The following ZFPM1 variants were observed in gnomAD, a reference collection of about 807,000 sequenced individuals.
The protein encoded by ZFPM1 is zinc finger protein, FOG family member 1.
In ZFPM1, 28 loss-of-function variants were observed where a neutral mutation model predicts 46.3. That is an observed-to-expected ratio of 0.60 (90% confidence interval 0.45 to 0.83). The LOEUF (loss-of-function observed/expected upper bound fraction) is 0.83, where lower values mean the gene tolerates loss of function less well. ZFPM1 is among the 40% of genes least tolerant of loss of function. The pLI is 0.00. For missense variants in ZFPM1, 1,878 were observed against 1,432.4 expected (o/e 1.31, Z -5.02); for synonymous variants, 957 against 675.9 (o/e 1.42, Z -6.45).
intron 6 of ZFPM1, 68 bp downstream of exon 6, chr16:88,528,306 G>A: frequency 6.8e-7 from 1 of 1,474,442 alleles, no homozygotes; most frequent in Non-Finnish European, 9.1e-7. Flanking sequence ...GGCAGGAGAG[G>A]GTGGGAGCTG....
chr16:88,452,632 G>A (rs1447485864), upstream of ZFPM1, among the ~76,000 whole-genome samples: 4 of 152,282 alleles, frequency 2.6e-5, no homozygotes, highest in Non-Finnish European at 4.4e-5. Flanking sequence ...GAGAAACGTG[G>A]GCGTCAAGGC....
At chr16:88,491,830 G>A (rs947592050) in intron 3 of ZFPM1, among the ~76,000 whole-genome samples, 3 of 152,194 alleles carry the variant, frequency 2.0e-5, no homozygotes, top group African/African-American at 4.8e-5. Context: ...CAGTGGCTAC[G>A]GCCTATCAGA....
intron 3 of ZFPM1, among the ~76,000 whole-genome samples, chr16:88,513,800 G>A (rs1911115491): frequency 6.6e-6 from 1 of 152,166 alleles, no homozygotes. Context: ...GCCACTCTCA[G>A]CTTCTGGGGG....
chr16:88,496,267 G>A (rs1008683592), intron 3 of ZFPM1, among the ~76,000 whole-genome samples: 11 of 152,142 alleles, frequency 7.2e-5, no homozygotes, highest in African/African-American at 1.9e-4. Context: ...TGACAGCGGC[G>A]GGGCTGGCTT....
chr16:88,477,355 T>G (rs576553466), intron 1 of ZFPM1, among the ~76,000 whole-genome samples: 1 of 152,306 alleles, frequency 6.6e-6, no homozygotes, highest in South Asian at 2.1e-4. Context: ...CAAGCACAGA[T>G]TTGGGTCACC....
chr16:88,516,635 G>A lies in ZFPM1; in HGVS notation c.402+2115G>A, dbSNP rs578104902. The A allele has an allele frequency of 2.5e-3, 995 of 398,654 alleles. 4 individuals carry two copies. Among genetic ancestry groups the A allele is most frequent in the Middle Eastern group, 3.8e-3 (6 of 1,588 alleles). The allele number at this position is 398,654 out of a possible 1,614,324, so 24.7% of individuals were successfully genotyped here. Reference sequence around the variant, plus strand: ...TGATTGATTTCTTCAAGATATGCACGCCTTTCCGATACTTCATTTATTGTC... The same window carrying A: ...TGATTGATTTCTTCAAGATATGCACACCTTTCCGATACTTCATTTATTGTC... On this transcript the variant is annotated intron_variant, in intron 4 of 9. Coordinates refer to ENST00000319555, the MANE Select transcript of ZFPM1 (RefSeq NM_153813.3).
At chr16:88,488,133 C>T (rs113889830) in intron 2 of ZFPM1, among the ~76,000 whole-genome samples, 10 of 152,330 alleles carry the variant, frequency 6.6e-5, no homozygotes, top group South Asian at 2.1e-4. Context: ...TGGCTGTCAC[C>T]GCCGCCAGCC....
At chr16:88,517,108 C>G (rs543289863) in intron 4 of ZFPM1, among the ~76,000 whole-genome samples, 11 of 152,200 alleles carry the variant, frequency 7.2e-5, no homozygotes, top group African/African-American at 2.4e-4. Flanking sequence ...GGGGCCCAGC[C>G]AGCTTCAGAA....
chr16:88,459,329 G>C (rs975389563), intron 1 of ZFPM1, among the ~76,000 whole-genome samples: 2 of 152,178 alleles, frequency 1.3e-5, no homozygotes, highest in Admixed American at 1.3e-4. Flanking sequence ...GCTCAAAATA[G>C]ACATGGTCTG....
At chr16:88,487,331 C>T (rs760077778) in intron 2 of ZFPM1, among the ~76,000 whole-genome samples, 1 of 152,228 alleles carries the variant, frequency 6.6e-6, no homozygotes, top group Non-Finnish European at 1.5e-5. Flanking sequence ...CTACCCCATG[C>T]CATGAAACCC....
rs987354018 is a variant in ZFPM1, at chr16:88,490,218, T to A, written c.268+1065T>A. 4.6e-5 allele frequency among the ~76,000 whole-genome samples: 7 copies of A among 152,202 alleles called. No homozygotes were observed. In the East Asian group the frequency reaches 1.4e-3, roughly 29 times the overall value. On this transcript the variant is annotated intron_variant, in intron 3 of 9. Transcript: ENST00000319555. The stretch of plus-strand genomic sequence containing the variant: ...ACAGGTGCCTGCCACCATGCCCGGC[T>A]AATTTTTCTATTTTGAGGAGAGACG...
chr16:88,524,044 A>G (rs1171285890), intron 4 of ZFPM1, among the ~76,000 whole-genome samples: 1 of 152,218 alleles, frequency 6.6e-6, no homozygotes, highest in East Asian at 1.9e-4. Context: ...TGGGAGTGAT[A>G]AGCATTAAAC....
intron 1 of ZFPM1, 26 bp downstream of exon 1, chr16:88,453,704 C>G: frequency 3.4e-6 from 4 of 1,181,784 alleles, no homozygotes; most frequent in Non-Finnish European, 4.3e-6. Context: ...CCCGCGGTCC[C>G]CTCCGCGCGC....
At chr16:88,478,885 G>A (rs1416578741) in intron 1 of ZFPM1, among the ~76,000 whole-genome samples, 1 of 152,220 alleles carries the variant, frequency 6.6e-6, no homozygotes, top group Non-Finnish European at 1.5e-5. Context: ...GGAAACGGGG[G>A]TGGAGACTTC....
chr16:88,462,359 C>T lies in ZFPM1; in HGVS notation c.40+8681C>T, dbSNP rs566699636. Reference sequence around the variant, plus strand: ...GGGCTCCTGTCTGCTAAGTGCCTTACGGGCATCCCCGTTCTGCCCTTCTCC... The same window carrying T: ...GGGCTCCTGTCTGCTAAGTGCCTTATGGGCATCCCCGTTCTGCCCTTCTCC... On this transcript the variant is annotated intron_variant, in intron 1 of 9. Transcript: ENST00000319555. 3.9e-5 allele frequency among the ~76,000 whole-genome samples: 6 copies of T among 152,364 alleles called. No homozygotes were observed. The South Asian group carries it at 8.3e-4, about 21-fold the overall frequency.
intron 1 of ZFPM1, among the ~76,000 whole-genome samples, chr16:88,462,572 A>C (rs1907947200): frequency 6.6e-6 from 1 of 152,156 alleles, no homozygotes; most frequent in African/African-American, 2.4e-5. Context: ...GACCTCCTGG[A>C]CTGTCAGGGG....
At chr16:88,505,956 T>C (rs1910634933) in intron 3 of ZFPM1, among the ~76,000 whole-genome samples, 1 of 152,132 alleles carries the variant, frequency 6.6e-6, no homozygotes, top group Admixed American at 6.5e-5. Flanking sequence ...CCATCCACAG[T>C]GAGTGCAGGG....
Position 88,464,699 on chromosome 16 carries a change from C to T in ZFPM1, c.40+11021C>T, listed in dbSNP as rs566809566. Among the ~76,000 whole-genome samples the T allele has an allele frequency of 1.8e-3, 276 of 152,406 alleles. 8 individuals carry two copies. In the South Asian group the frequency reaches 0.031, roughly 17 times the overall value. On this transcript the variant is annotated intron_variant, in intron 1 of 9. Transcript: ENST00000319555. ...CATACCCTTCCAGCTCTACAGGCTG[C>T]GGCCTGGTCCGCCCTGCACTGTCTC...
intron 4 of ZFPM1, 38 bp from the exon 5 acceptor site, chr16:88,526,775 AC>A: frequency 6.5e-7 from 1 of 1,531,332 alleles, no homozygotes; most frequent in Non-Finnish European, 8.8e-7. Flanking sequence ...CAGGCTGCTG[AC>A]GGACCCCTCC....
Sources: allele counts gnomAD v4.1 joint callset (sites outside exome capture counted in the v4.1 genomes callset), GRCh38; gene constraint gnomAD v4.1.1; transcripts MANE v1.5; gene names NCBI Gene and HGNC (gene_info 2026-07-23, HGNC 2026-07-21).